CD200: variants seen among roughly 807,000 people sequenced by gnomAD.
CD200 encodes OX-2 membrane glycoprotein.
Under a neutral mutation model 30.9 loss-of-function variants are expected in CD200, and 15 were observed. The ratio of observed to expected loss-of-function variants is 0.49; its 90% CI spans 0.32 to 0.75. CD200 has a LOEUF of 0.75. CD200 is among the 30% of genes least tolerant of loss of function. The pLI is 0.03. For synonymous variants in CD200, 134 were observed against 126.2 expected (o/e 1.06, Z -0.41); for missense variants, 262 against 324.2 (o/e 0.81, Z 1.47).
At chr3:112,361,148 C>A (rs759142218) in intron 5 of CD200, among the ~76,000 whole-genome samples, 1 of 152,094 alleles carries the variant, frequency 6.6e-6, no homozygotes, top group Non-Finnish European at 1.5e-5. Context: ...GTTATCCTCA[C>A]GCCTCAGCCT....
intron 3 of CD200, among the ~76,000 whole-genome samples, chr3:112,346,026 G>A (rs890969689): frequency 6.6e-6 from 1 of 152,176 alleles, no homozygotes; most frequent in Non-Finnish European, 1.5e-5. Context: ...ATGGTTATTA[G>A]GAATATTAAG....
chr3:112,361,565 A>G lies in CD200; in HGVS notation c.*15A>G. ...CAGAGCCCTAAATAAGTCACACAGC[A>G]CCCTGAAAGTGATTCCCTGGTCTAC... On this transcript the variant is annotated 3_prime_UTR_variant, in exon 6 of 6. Coordinates refer to ENST00000315711, the MANE Select transcript of CD200 (RefSeq NM_005944.7). 1 of 1,607,644 alleles carries G rather than the reference A, an allele frequency of 6.2e-7. No homozygotes were observed. Among genetic ancestry groups the G allele is most frequent in the Non-Finnish European group, 8.5e-7 (1 of 1,174,076 alleles).
intron 5 of CD200, among the ~76,000 whole-genome samples, chr3:112,354,912 T>C (rs549920713): frequency 6.6e-6 from 1 of 152,336 alleles, no homozygotes; most frequent in Admixed American, 6.5e-5. Context: ...TTGAGTCTTT[T>C]TCACACTGAA....
In CD200 at chr3:112,338,183, G is replaced by A. The variant is rs1006622740; in HGVS notation, c.13-2719G>A. On this transcript the variant is annotated intron_variant, in intron 1 of 5. Coordinates refer to ENST00000315711, the MANE Select transcript of CD200 (RefSeq NM_005944.7). ...GCTGAGACTAGGGTGGTAAAGAACA[G>A]ACACTTCACATGGGTACCAAGGAAC... Among the ~76,000 whole-genome samples, 14 of 152,262 alleles carry A rather than the reference G, an allele frequency of 9.2e-5. No individual in the cohort carries two copies. In the East Asian group the frequency reaches 2.5e-3, roughly 27 times the overall value.
At chr3:112,350,260 T>C (rs1344587861) in intron 5 of CD200, among the ~76,000 whole-genome samples, 1 of 152,222 alleles carries the variant, frequency 6.6e-6, no homozygotes, top group Non-Finnish European at 1.5e-5. Flanking sequence ...TCAAACACTG[T>C]CAGCATCATG....
chr3:112,342,087 A>G (rs1482255168), intron 2 of CD200, among the ~76,000 whole-genome samples: 2 of 152,078 alleles, frequency 1.3e-5, no homozygotes, highest in Non-Finnish European at 2.9e-5. Flanking sequence ...GTCTTTAAAA[A>G]CAAGTCTGGA....
intron 5 of CD200, among the ~76,000 whole-genome samples, chr3:112,359,645 T>G (rs1475832420): frequency 6.6e-6 from 1 of 152,186 alleles, no homozygotes; most frequent in East Asian, 1.9e-4. Flanking sequence ...TATAAGTATT[T>G]ATTAATAATT....
chr3:112,337,741 T>C (rs2081150882), intron 1 of CD200, among the ~76,000 whole-genome samples: 2 of 152,136 alleles, frequency 1.3e-5, no homozygotes, highest in South Asian at 4.1e-4. Context: ...ATAGAGATGA[T>C]TAATAATAGA....
rs971295792 is a variant in CD200, at chr3:112,361,817, A to G, written c.*267A>G. 9.3e-6 allele frequency: 5 copies of G among 538,094 alleles called. No homozygotes were observed. The highest frequency in any genetic ancestry group is 6.6e-6 in the Non-Finnish European group (2 of 301,256). The allele number at this position is 538,094 out of a possible 1,614,324, so 33.3% of individuals were successfully genotyped here. A position where few individuals can be genotyped will look rare whatever the true frequency, so the allele number is the denominator to read the frequency against. The stretch of plus-strand genomic sequence containing the variant: ...TGTTATGTGGTTGAAAGGGCACTGG[A>G]CTTAGTTAGTATCAGGAGCACTGAG... On this transcript the variant is annotated 3_prime_UTR_variant, in exon 6 of 6. Transcript: ENST00000315711.
chr3:112,346,471 A>G (rs1417754972), intron 3 of CD200, among the ~76,000 whole-genome samples: 1 of 151,808 alleles, frequency 6.6e-6, no homozygotes, highest in East Asian at 1.9e-4. Context: ...TCTCTTCCAC[A>G]CTGACCTTTT....
intron 1 of CD200, among the ~76,000 whole-genome samples, chr3:112,335,612 C>T (rs1207010851): frequency 2.0e-5 from 3 of 152,128 alleles, no homozygotes; most frequent in African/African-American, 7.2e-5. Flanking sequence ...TAGCTGAAGA[C>T]AAGAAGACAC....
chr3:112,342,329 CTTTCT>C (rs1559783087), intron 2 of CD200, among the ~76,000 whole-genome samples: 15 of 26,474 alleles, frequency 5.7e-4, no homozygotes, highest in Non-Finnish European at 7.3e-4. Flanking sequence ...TTCTTTCTTT[CTTTCT>C]TTCCTTCTTT....
intron 5 of CD200, 72 bp from the exon 6 acceptor site, chr3:112,361,471 T>A: frequency 8.7e-7 from 1 of 1,152,220 alleles, no homozygotes; most frequent in Non-Finnish European, 1.3e-6. Flanking sequence ...CTCTATTATT[T>A]ATCTTCTTAA....
At chr3:112,353,671 GA>G (rs978203395) in intron 5 of CD200, among the ~76,000 whole-genome samples, 1 of 152,062 alleles carries the variant, frequency 6.6e-6, no homozygotes, top group African/African-American at 2.4e-5. Context: ...GTTGAAAGGG[GA>G]AAACAAAAAA....
chr3:112,355,055 A>G (rs1576623123), intron 5 of CD200, among the ~76,000 whole-genome samples: 1 of 152,224 alleles, frequency 6.6e-6, no homozygotes, highest in African/African-American at 2.4e-5. Flanking sequence ...AGCCATGTAA[A>G]GTAACATATT....
At chr3:112,337,960 T>C (rs369027809) in intron 1 of CD200, among the ~76,000 whole-genome samples, 47 of 152,358 alleles carry the variant, frequency 3.1e-4, no homozygotes, top group African/African-American at 1.1e-3. Context: ...AAATAGTTCT[T>C]ATGCTGTATT....
At position 112,352,451 on chromosome 3, in the gene CD200, C is replaced by T. The variant is rs144738575; in HGVS notation, c.802+2632C>T. Among the ~76,000 whole-genome samples, 80 of 152,014 alleles carry T rather than the reference C, an allele frequency of 5.3e-4. 1 individual carries two copies. The East Asian group carries it at 0.013, about 24-fold the overall frequency. On this transcript the variant is annotated intron_variant, in intron 5 of 5. Coordinates refer to ENST00000315711, the MANE Select transcript of CD200 (RefSeq NM_005944.7). Reference sequence around the variant, plus strand: ...AAATTTCCAAATGAGCAGGAAAACACGATTGGTCCAAAATAATACAAAGGT... The same window carrying T: ...AAATTTCCAAATGAGCAGGAAAACATGATTGGTCCAAAATAATACAAAGGT...
intron 2 of CD200, among the ~76,000 whole-genome samples, chr3:112,343,194 C>CAG (rs998627765): frequency 7.3e-5 from 11 of 151,424 alleles, no homozygotes; most frequent in African/African-American, 1.9e-4. Context: ...TATACACACA[C>CAG]AGAGAGAGAG....
At chr3:112,335,052 G>A (rs1002454793) in intron 1 of CD200, among the ~76,000 whole-genome samples, 1 of 152,144 alleles carries the variant, frequency 6.6e-6, no homozygotes, top group African/African-American at 2.4e-5. Context: ...CTCCACAATT[G>A]CCTTAGCTGA....
Sources: allele counts gnomAD v4.1 joint callset (sites outside exome capture counted in the v4.1 genomes callset), GRCh38; gene constraint gnomAD v4.1.1; transcripts MANE v1.5; gene names NCBI Gene and HGNC (gene_info 2026-07-23, HGNC 2026-07-21).